The following FBXL5 variants were observed in gnomAD, a reference collection of about 807,000 sequenced individuals.
FBXL5 encodes the protein F-box and leucine rich repeat protein 5, also known as F-box/LRR-repeat protein 5.
In FBXL5, 26 loss-of-function variants were observed where a neutral mutation model predicts 78.3. The observed-to-expected ratio is 0.33, with a 90% CI of 0.24 to 0.46. The LOEUF is 0.46. Ranked by LOEUF, FBXL5 falls within the 20% of genes least tolerant of loss-of-function variation. FBXL5 has a pLI of 1.00. For missense variants in FBXL5, 710 were observed against 829.2 expected (o/e 0.86, Z 1.77); for synonymous variants, 295 against 282.5 (o/e 1.04, Z -0.45).
rs576417722 is a variant in FBXL5 at position 15,632,370 on chromosome 4, TG to T, written c.767-1580del. 5.3e-4 allele frequency among the ~76,000 whole-genome samples: 80 copies of T among 152,326 alleles called. No homozygotes were observed. In the South Asian group the frequency reaches 0.011, roughly 21 times the overall value. ...CATGATGCCTCCAGCTTTGTTCTTT[TG>T]GCTTAGGATTGTCTTGGCAACGCGG... On this transcript the variant is annotated intron_variant, in intron 5 of 10. Transcript: ENST00000341285.
chr4:15,612,011 T>C (rs999901492), intron 10 of FBXL5: 1 of 306,358 alleles, frequency 3.3e-6, no homozygotes, highest in Admixed American at 5.1e-5. Context: ...CTTACCATTT[T>C]TGATTACACT....
chr4:15,610,210 G>A, intron 10 of FBXL5, among the ~76,000 whole-genome samples: 1 of 151,936 alleles, frequency 6.6e-6, no homozygotes, highest in Admixed American at 6.6e-5. Context: ...TGCAAAACTG[G>A]ATACAACACA....
intron 6 of FBXL5, among the ~76,000 whole-genome samples, chr4:15,628,245 A>G (rs887963102): frequency 6.6e-6 from 1 of 152,214 alleles, no homozygotes; most frequent in African/African-American, 2.4e-5. Context: ...AGAAAATATG[A>G]TATCAAAAGA....
intron 5 of FBXL5, among the ~76,000 whole-genome samples, chr4:15,631,182 C>G (rs538032140): frequency 6.6e-6 from 1 of 152,218 alleles, no homozygotes; most frequent in South Asian, 2.1e-4. Flanking sequence ...GTTTTCTGTC[C>G]TTGTGACAGT....
Position 15,605,487 on chromosome 4 carries a change from G to C in FBXL5, c.*236C>G. The C allele has an allele frequency of 2.3e-6, 1 of 438,046 alleles. No individual in the cohort carries two copies. Among genetic ancestry groups the C allele is most frequent in the Non-Finnish European group, 4.2e-6 (1 of 240,420 alleles). The allele number at this position is 438,046 out of a possible 1,614,324, so 27.1% of individuals were successfully genotyped here. ...CATTTCATTTAAAAGAAAAATGTAA[G>C]ACTGTTCTCACCCTTTTGAAAAGAC... On this transcript the variant is annotated 3_prime_UTR_variant, in exon 11 of 11. Transcript: ENST00000341285.
chr4:15,625,145 T>C, intron 9 of FBXL5, 107 bp downstream of exon 9: 1 of 1,302,560 alleles, frequency 7.7e-7, no homozygotes, highest in Non-Finnish European at 1.0e-6. Flanking sequence ...GTTAATCCTT[T>C]TTGCTAAGTA....
At chr4:15,655,704 T>C (rs1022558529), upstream of FBXL5, among the ~76,000 whole-genome samples, 1 of 152,154 alleles carries the variant, frequency 6.6e-6, no homozygotes, top group Non-Finnish European at 1.5e-5. Context: ...CCAAGCACAA[T>C]GGCCGCGGTC....
intron 9 of FBXL5, among the ~76,000 whole-genome samples, chr4:15,619,307 A>C (rs1560214502): frequency 6.6e-6 from 1 of 152,234 alleles, no homozygotes; most frequent in Non-Finnish European, 1.5e-5. Context: ...TCCTCAGCTA[A>C]TACCAGTAAA....
chr4:15,650,054 T>C (rs1002352474), intron 1 of FBXL5, among the ~76,000 whole-genome samples: 12 of 152,120 alleles, frequency 7.9e-5, no homozygotes, highest in African/African-American at 2.9e-4. Context: ...AAGGCAGTAA[T>C]TTTGCCACCC....
chr4:15,625,363 C>T lies in FBXL5; in HGVS notation c.1739G>A (p.Arg580Lys), dbSNP rs754130896. ...CRKAARTRLP[R>K]GKDLIYFGSE... ...CCCAAAGTAAATTAAGTCTTTTCCC[C>T]TAGGCAATCTAGTCCTTGCTGCTTT... Residue 580 changes from arginine (R) to lysine (K), a missense_variant, in exon 9 of 11, where the codon AGG (arginine) becomes AAG (lysine). Physicochemically the swap from Arg to Lys is conservative, Grantham distance 26. This residue lies in a region of FBXL5 where 517 missense variants were observed against 542.9 expected (regional missense o/e 0.95). Transcript: ENST00000341285. The T allele has an allele frequency of 6.2e-7, 1 of 1,614,164 alleles. No homozygotes were observed. The highest frequency in any genetic ancestry group is 8.5e-7 in the Non-Finnish European group (1 of 1,180,030).
chr4:15,662,943 C>T (rs929630444), upstream of FBXL5, among the ~76,000 whole-genome samples: 6 of 152,096 alleles, frequency 3.9e-5, no homozygotes, highest in East Asian at 3.8e-4. Flanking sequence ...ATAACTGACC[C>T]ATAAAACAAT....
At chr4:15,670,140 T>C (rs1263354155) in intron 1 of FBXL5, among the ~76,000 whole-genome samples, 1 of 152,230 alleles carries the variant, frequency 6.6e-6, no homozygotes, top group Non-Finnish European at 1.5e-5. Context: ...AGTATTCTCA[T>C]ATGTGTTCCA....
chr4:15,659,737 T>C (rs1717216890), upstream of FBXL5: 1 of 984,950 alleles, frequency 1.0e-6, no homozygotes, highest in African/African-American at 1.7e-5. Context: ...CTTGCGTCAT[T>C]TACCTCTTAG....
intron 9 of FBXL5, among the ~76,000 whole-genome samples, chr4:15,621,969 C>CAT (rs1261609875): frequency 6.6e-6 from 1 of 152,202 alleles, no homozygotes; most frequent in African/African-American, 2.4e-5. Context: ...GCTGGAACTA[C>CAT]AGGTGCATGC....
At chr4:15,643,271 C>A (rs553827538) in intron 2 of FBXL5, among the ~76,000 whole-genome samples, 4 of 152,128 alleles carry the variant, frequency 2.6e-5, no homozygotes, top group Non-Finnish European at 4.4e-5. Context: ...TATCTTTAAT[C>A]CATCCTCCCT....
chr4:15,679,063 A>ATTT (rs60866290), intron 1 of FBXL5, among the ~76,000 whole-genome samples: 4 of 118,756 alleles, frequency 3.4e-5, no homozygotes, highest in African/African-American at 3.1e-5. Flanking sequence ...TAAAATCTCT[A>ATTT]TTTTTTTTTT....
rs762005292 is a variant in FBXL5 at position 15,625,327 on chromosome 4, G to A, written c.1775C>T (p.Ser592Phe). 1 of 1,614,198 alleles carries A rather than the reference G, an allele frequency of 6.2e-7. No individual in the cohort carries two copies. The highest frequency in any genetic ancestry group is 1.7e-5 in the Admixed American group (1 of 60,024). The change falls in exon 9 of 11, where the codon TCT becomes TTT. Residue 592 changes from serine (S) to phenylalanine (F), a missense_variant. Around this residue, in one of 4 missense-constraint regions of FBXL5, gnomAD observed 517 missense variants for 542.9 expected, o/e 0.95. Coordinates refer to ENST00000341285, the MANE Select transcript of FBXL5 (RefSeq NM_012161.4). ...KDLIYFGSEK[S>F]DQETGRVLLF... is the part of the protein sequence containing the mutation. ...AAGTACACGTCCAGTCTCTTGATCAGATTTTTCACTCCCAAAGTAAATTAA... is the reference window on the plus strand; with the variant it reads ...AAGTACACGTCCAGTCTCTTGATCAAATTTTTCACTCCCAAAGTAAATTAA...
chr4:15,623,656 A>C (rs1378937435), intron 9 of FBXL5, among the ~76,000 whole-genome samples: 1 of 152,226 alleles, frequency 6.6e-6, no homozygotes, highest in Non-Finnish European at 1.5e-5. Context: ...AATAAAACTC[A>C]GAATAAAGTT....
At position 15,605,442 on chromosome 4, in the gene FBXL5, A is replaced by G. The variant is rs1341365311; in HGVS notation, c.*281T>C. The G allele has an allele frequency of 2.4e-4, 77 of 314,804 alleles. No individual in the cohort carries two copies. Among genetic ancestry groups the G allele is most frequent in the South Asian group, 1.2e-4 (3 of 24,450 alleles). The allele number at this position is 314,804 out of a possible 1,614,324, so 19.5% of individuals were successfully genotyped here. ...TATGAAATACTTTAAATGACATGGC[A>G]TTACCAACATTCTTTAAAGCATTTC... On this transcript the variant is annotated 3_prime_UTR_variant, in exon 11 of 11. Transcript: ENST00000341285.
Sources: gnomAD v4.1 joint callset for allele counts (sites outside exome capture counted in the v4.1 genomes callset) on GRCh38, gnomAD v4.1.1 for gene constraint, gnomAD v4.1.1 regional missense constraint, MANE v1.5 for transcripts, NCBI Gene and HGNC (gene_info 2026-07-23, HGNC 2026-07-21) for gene names.